PCDHB10: variants seen among roughly 807,000 people sequenced by gnomAD.
PCDHB10 encodes protocadherin beta-10.
For missense variants in PCDHB10, 1,046 were observed against 1,004.7 expected, an observed-to-expected ratio of 1.04 and a Z score of -0.56; for synonymous variants, 448 against 449.2, an observed-to-expected ratio of 1.00 and a Z score of 0.04.
At position 141,192,404 on chromosome 5, in the gene PCDHB10, A is replaced by G; in HGVS notation, c.-149A>G. ...GAAGACACGGACAGATGAACTTAAA[A>G]GAGAAGCTTTAGCTGCCAAAGATTG... On this transcript the variant is annotated 5_prime_UTR_variant, in exon 1 of 1. Coordinates refer to ENST00000239446, the MANE Select transcript of PCDHB10 (RefSeq NM_018930.4). The G allele has an allele frequency of 1.0e-6, 1 of 982,130 alleles. No homozygotes were observed. Among genetic ancestry groups the G allele is most frequent in the Non-Finnish European group, 1.5e-6 (1 of 659,398 alleles). 60.8% of individuals were successfully genotyped at this position (982,130 alleles called of 1,614,324 possible). A position where few individuals can be genotyped will look rare whatever the true frequency, so the allele number is the denominator to read the frequency against.
Position 141,192,572 on chromosome 5 carries a change from G to A in PCDHB10, c.20G>A (p.Cys7Tyr). 6.2e-7 allele frequency: 1 copy of A among 1,613,900 alleles called. No individual in the cohort carries two copies. The highest frequency in any genetic ancestry group is 8.5e-7 in the Non-Finnish European group (1 of 1,179,966). Residue 7 changes from cysteine (C) to tyrosine (Y), a missense_variant, in exon 1 of 1, where the codon TGC (cysteine) becomes TAC (tyrosine). By Grantham distance (194) the Cys-to-Tyr change is radical (BLOSUM62 -2). Transcript: ENST00000239446. ...GCAGCTATGGCTGTCAGAGAGTTGT[G>A]CTTCCCAAGACAAAGGCAAGTCCTG... MAVRELCFPRQRQVLFL... is the reference protein window; with the variant it reads MAVRELYFPRQRQVLFL...
In PCDHB10 at chr5:141,193,964, G is replaced by T. The variant is rs527240732; in HGVS notation, c.1412G>T (p.Gly471Val). 1.2e-6 allele frequency: 2 copies of T among 1,611,150 alleles called. No individual in the cohort carries two copies. The highest frequency in any genetic ancestry group is 2.2e-5 in the South Asian group (2 of 90,932). ...AACAACAGCCCCGCCCTGCACATCGGCAGCGTCAGCGCCACAGACAGAGAC... is the reference window on the plus strand; with the variant it reads ...AACAACAGCCCCGCCCTGCACATCGTCAGCGTCAGCGCCACAGACAGAGAC... ...RENNSPALHI[G>V]SVSATDRDSG... The change falls in exon 1 of 1, where the codon GGC (glycine) becomes GTC (valine). Residue 471 changes from glycine (G) to valine (V), a missense_variant. Physicochemically the swap from Gly to Val is moderately radical, Grantham distance 109. Coordinates refer to ENST00000239446, the MANE Select transcript of PCDHB10 (RefSeq NM_018930.4).
chr5:141,193,177 A>G lies in PCDHB10; in HGVS notation c.625A>G (p.Ser209Gly). ...GGATCGGGAGGAGCAGGGAGAGCTCAGCTTAACCCTCACAGCGCTGGATGG... is the reference window on the plus strand; with the variant it reads ...GGATCGGGAGGAGCAGGGAGAGCTCGGCTTAACCCTCACAGCGCTGGATGG... ...ALDREEQGEL[S>G]LTLTALDGGS... Residue 209 changes from serine (S) to glycine (G), a missense_variant, in exon 1 of 1, where the codon AGC becomes GGC. Coordinates refer to ENST00000239446, the MANE Select transcript of PCDHB10 (RefSeq NM_018930.4). 6.2e-7 allele frequency: 1 copy of G among 1,614,124 alleles called. No individual in the cohort carries two copies.
chr5:141,194,568 T>G lies in PCDHB10; in HGVS notation c.2016T>G (p.Pro672=), dbSNP rs782780866. The change falls in exon 1 of 1, where the codon CCT becomes CCG. Residue 672 remains proline (P), a synonymous_variant. Coordinates refer to ENST00000239446, the MANE Select transcript of PCDHB10 (RefSeq NM_018930.4). ...LVDGFSQPYL[P]LPEAAPAQAQ... ...ACGGCTTCTCCCAGCCCTACCTGCC[T>G]CTCCCGGAGGCGGCCCCGGCCCAGG... 39 of 1,571,532 alleles carry G rather than the reference T, an allele frequency of 2.5e-5. 1 individual carries two copies. The highest frequency in any genetic ancestry group is 7.2e-5 in the Admixed American group (4 of 55,746).
chr5:141,195,443 A>T lies in PCDHB10; in HGVS notation c.*488A>T, dbSNP rs1423977953. 1 of 167,528 alleles carries T rather than the reference A, an allele frequency of 6.0e-6. No individual in the cohort carries two copies. The highest frequency in any genetic ancestry group is 1.5e-5 in the Non-Finnish European group (1 of 68,436). The allele number at this position is 167,528 out of a possible 1,614,324, so 10.4% of individuals were successfully genotyped here. On this transcript the variant is annotated 3_prime_UTR_variant, in exon 1 of 1. Transcript: ENST00000239446. ...TGCTCATGACAAAATGAAACAAAGC[A>T]TATTGTGAGCAATACTGAACATCAA...
At position 141,192,569 on chromosome 5, in the gene PCDHB10, T is replaced by G. The variant is rs782170265; in HGVS notation, c.17T>G (p.Leu6Trp). ...GCAGCAGCTATGGCTGTCAGAGAGT[T>G]GTGCTTCCCAAGACAAAGGCAAGTC... MAVRE[L>W]CFPRQRQVLF... Residue 6 changes from leucine (L) to tryptophan (W), a missense_variant, in exon 1 of 1, where the codon TTG (leucine) becomes TGG (tryptophan). Leu to Trp is a moderately conservative substitution (Grantham distance 61). Coordinates refer to ENST00000239446, the MANE Select transcript of PCDHB10 (RefSeq NM_018930.4). The G allele has an allele frequency of 6.2e-7, 1 of 1,613,854 alleles. No individual in the cohort carries two copies. Among genetic ancestry groups the G allele is most frequent in the Non-Finnish European group, 8.5e-7 (1 of 1,179,948 alleles).
At position 141,192,430 on chromosome 5, in the gene PCDHB10, G is replaced by A; in HGVS notation, c.-123G>A. 1.6e-6 allele frequency: 2 copies of A among 1,263,670 alleles called. No individual in the cohort carries two copies. The highest frequency in any genetic ancestry group is 2.2e-6 in the Non-Finnish European group (2 of 907,566). 78.3% of individuals were successfully genotyped at this position (1,263,670 alleles called of 1,614,324 possible). On this transcript the variant is annotated 5_prime_UTR_variant, in exon 1 of 1. Coordinates refer to ENST00000239446, the MANE Select transcript of PCDHB10 (RefSeq NM_018930.4). Reference sequence around the variant, plus strand: ...GAGAAGCTTTAGCTGCCAAAGATTGGGAAAGGGAAAGGACAAAAAAGACCC... The same window carrying A: ...GAGAAGCTTTAGCTGCCAAAGATTGAGAAAGGGAAAGGACAAAAAAGACCC...
chr5:141,192,620 T>A lies in PCDHB10; in HGVS notation c.68T>A (p.Val23Glu), dbSNP rs17844550. 2.5e-6 allele frequency: 4 copies of A among 1,613,964 alleles called. No individual in the cohort carries two copies. Among genetic ancestry groups the A allele is most frequent in the East Asian group, 2.2e-5 (1 of 44,872 alleles). The stretch of plus-strand genomic sequence containing the variant: ...CTGTTTCTTTTTCTTTTTTGGGGAG[T>A]GTCCTTGGCAGGTTCTGGGTTTGGA... Reference protein sequence around the residue: ...QVLFLFLFWGVSLAGSGFGRY... With the variant: ...QVLFLFLFWGESLAGSGFGRY... The change falls in exon 1 of 1, where the codon GTG becomes GAG. Residue 23 changes from valine to glutamate, a missense_variant. Val to Glu is a moderately radical substitution (Grantham distance 121). Coordinates refer to ENST00000239446, the MANE Select transcript of PCDHB10 (RefSeq NM_018930.4).
chr5:141,192,644 G>A lies in PCDHB10; in HGVS notation c.92G>A (p.Gly31Glu). ...WGVSLAGSGFGRYSVTEETEK... is the reference protein window; with the variant it reads ...WGVSLAGSGFERYSVTEETEK... ...GTGTCCTTGGCAGGTTCTGGGTTTG[G>A]ACGTTATTCGGTGACTGAGGAAACA... Residue 31 changes from glycine (G) to glutamate (E), a missense_variant, in exon 1 of 1, where the codon GGA becomes GAA. By Grantham distance (98) the Gly-to-Glu change is moderately conservative. Coordinates refer to ENST00000239446, the MANE Select transcript of PCDHB10 (RefSeq NM_018930.4). 1 of 1,614,024 alleles carries A rather than the reference G, an allele frequency of 6.2e-7. No homozygotes were observed. The highest frequency in any genetic ancestry group is 2.2e-5 in the East Asian group (1 of 44,888).
chr5:141,195,268 T>A lies in PCDHB10; in HGVS notation c.*313T>A, dbSNP rs1003969848. On this transcript the variant is annotated 3_prime_UTR_variant, in exon 1 of 1. Coordinates refer to ENST00000239446, the MANE Select transcript of PCDHB10 (RefSeq NM_018930.4). ...TTTCAGAGCTTGCATCTCATGATTC[T>A]AATCACTTCTGTCTATAGTGTACTT... is the stretch of plus-strand genomic sequence containing the variant. 5 of 234,486 alleles carry A rather than the reference T, an allele frequency of 2.1e-5. No individual in the cohort carries two copies. The highest frequency in any genetic ancestry group is 5.2e-5 in the Admixed American group (1 of 19,334). 14.5% of individuals were successfully genotyped at this position (234,486 alleles called of 1,614,324 possible).
At position 141,194,721 on chromosome 5, in the gene PCDHB10, G is replaced by T; in HGVS notation, c.2169G>T (p.Ser723=). 2 of 1,611,614 alleles carry T rather than the reference G, an allele frequency of 1.2e-6. No homozygotes were observed. Among genetic ancestry groups the T allele is most frequent in the East Asian group, 2.2e-5 (1 of 44,828 alleles). The change falls in exon 1 of 1, where the codon TCG becomes TCT. Residue 723 remains serine (S), a synonymous_variant. Transcript: ENST00000239446. ...TGTGCAGGAGGAGCAGGGCGGCCTC[G>T]GTGGGTCGCTGCTCGGTGCCCGAGG... ...VRLCRRSRAA[S]VGRCSVPEGP...
chr5:141,193,481 A>T lies in PCDHB10; in HGVS notation c.929A>T (p.Glu310Val), dbSNP rs1554284081. The change falls in exon 1 of 1, where the codon GAG becomes GTG. Residue 310 changes from glutamate to valine, a missense_variant. Physicochemically the swap from Glu to Val is moderately radical, Grantham distance 121 (BLOSUM62 -2). Coordinates refer to ENST00000239446, the MANE Select transcript of PCDHB10 (RefSeq NM_018930.4). The part of the protein sequence containing the change: ...EIFLRELLDY[E>V]LVNSYKINIQ... ...TTTCTCAGAGAATTGCTTGATTATGAGTTAGTAAATTCTTACAAAATAAAT... is the reference window on the plus strand; with the variant it reads ...TTTCTCAGAGAATTGCTTGATTATGTGTTAGTAAATTCTTACAAAATAAAT... The T allele has an allele frequency of 6.2e-7, 1 of 1,614,194 alleles. No homozygotes were observed. The highest frequency in any genetic ancestry group is 2.2e-5 in the East Asian group (1 of 44,884).
At position 141,193,605 on chromosome 5, in the gene PCDHB10, A is replaced by G. The variant is rs1554284120; in HGVS notation, c.1053A>G (p.Ser351=). ...ATCCCCCTGAACTGATCGTATCATC[A>G]TTTTCCAACTCTGTTGCTGAGAATT... ...NDNPPELIVS[S]FSNSVAENSP... Residue 351 remains serine, a synonymous_variant, in exon 1 of 1, where the codon TCA becomes TCG. Transcript: ENST00000239446. 4 of 1,613,914 alleles carry G rather than the reference A, an allele frequency of 2.5e-6. No individual in the cohort carries two copies. In the East Asian group the frequency reaches 8.9e-5, roughly 36 times the overall value.
chr5:141,194,582 C>T lies in PCDHB10; in HGVS notation c.2030C>T (p.Ala677Val), dbSNP rs201475017. Residue 677 changes from alanine (A) to valine (V), a missense_variant, in exon 1 of 1, where the codon GCC becomes GTC. Transcript: ENST00000239446. ...CCCTACCTGCCTCTCCCGGAGGCGG[C>T]CCCGGCCCAGGCCCAGGCCGAGGCC... ...SQPYLPLPEA[A>V]PAQAQAEADL... 3.5e-4 allele frequency: 550 copies of T among 1,561,218 alleles called. 24 individuals carry two copies. The highest frequency in any genetic ancestry group is 4.5e-4 in the Non-Finnish European group (522 of 1,161,380).
At position 141,194,766 on chromosome 5, in the gene PCDHB10, G is replaced by T. The variant is rs543402456; in HGVS notation, c.2214G>T (p.Leu738=). 22 of 1,614,108 alleles carry T rather than the reference G, an allele frequency of 1.4e-5. 1 individual carries two copies. The Admixed American group carries it at 3.5e-4, about 26-fold the overall frequency. Residue 738 remains leucine, a synonymous_variant, in exon 1 of 1, where the codon CTG becomes CTT. Coordinates refer to ENST00000239446, the MANE Select transcript of PCDHB10 (RefSeq NM_018930.4). Reference sequence around the variant, plus strand: ...CCGAGGGTCCTTTTCCAGGGCATCTGGTGGACGTGAGGGGCGCTGAGACCC... The same window carrying T: ...CCGAGGGTCCTTTTCCAGGGCATCTTGTGGACGTGAGGGGCGCTGAGACCC... ...SVPEGPFPGH[L]VDVRGAETLS... is the part of the protein sequence containing the mutation.
chr5:141,194,891 G>T lies in PCDHB10; in HGVS notation c.2339G>T (p.Gly780Val). ...KPVISDIQAQ[G>V]PGRKGEENST... ...GTTATTTCGGATATTCAGGCACAGG[G>T]CCCTGGGAGGAAGGGTGAAGAAAAT... Residue 780 changes from glycine (G) to valine (V), a missense_variant, in exon 1 of 1, where the codon GGC (glycine) becomes GTC (valine). Gly to Val is a moderately radical substitution (Grantham distance 109). Transcript: ENST00000239446. The T allele has an allele frequency of 8.7e-6, 14 of 1,614,130 alleles. No homozygotes were observed. The highest frequency in any genetic ancestry group is 1.2e-5 in the Non-Finnish European group (14 of 1,180,004).
rs17844557 is a variant in PCDHB10, at chr5:141,193,355, A to G, written c.803A>G (p.Asp268Gly). ...CTTATTGTTAAGGTATGGGCAGAAG[A>G]TGTAGACTCTGGAGTCAACGCGGAA... The part of the protein sequence containing the change: ...GFLIVKVWAE[D>G]VDSGVNAEVS... Residue 268 changes from aspartate to glycine, a missense_variant, in exon 1 of 1, where the codon GAT becomes GGT. Transcript: ENST00000239446. 146 of 1,614,082 alleles carry G rather than the reference A, an allele frequency of 9.0e-5. No individual in the cohort carries two copies. In the East Asian group the frequency reaches 2.9e-3, roughly 32 times the overall value.
In PCDHB10 at chr5:141,193,569, C is replaced by T. The variant is rs1753961516; in HGVS notation, c.1017C>T (p.Asp339=). ...GTAGGGTTTTAGTGGAAGTATTGGA[C>T]ACCAATGACAATCCCCCTGAACTGA... ...ARCRVLVEVL[D]TNDNPPELIV... The change falls in exon 1 of 1, where the codon GAC becomes GAT. Residue 339 remains aspartate (D), a synonymous_variant. Transcript: ENST00000239446. 1 of 1,614,090 alleles carries T rather than the reference C, an allele frequency of 6.2e-7. No homozygotes were observed. Among genetic ancestry groups the T allele is most frequent in the Non-Finnish European group, 8.5e-7 (1 of 1,179,992 alleles).
rs781840572 is a variant in PCDHB10 at position 141,193,801 on chromosome 5, T to A, written c.1249T>A (p.Tyr417Asn). The change falls in exon 1 of 1, where the codon TAC becomes AAC. Residue 417 changes from tyrosine (Y) to asparagine (N), a missense_variant. Transcript: ENST00000239446. ...GCTGGACAGAGAGATCAGAGCCGAG[T>A]ACAACATCACTATCACCGTCACTGA... ...GALDREIRAE[Y>N]NITITVTDLG... 3.1e-6 allele frequency: 5 copies of A among 1,613,922 alleles called. No individual in the cohort carries two copies. In the African/African-American group the frequency reaches 6.7e-5, roughly 22 times the overall value.
Sources: gnomAD v4.1 joint callset for allele counts on GRCh38, gnomAD v4.1.1 for gene constraint, MANE v1.5 for transcripts, NCBI Gene and HGNC (gene_info 2026-07-23, HGNC 2026-07-21) for gene names.